The following ITPR1 variants were observed in gnomAD, a reference collection of about 807,000 sequenced individuals.
ITPR1 encodes the protein inositol 1,4,5-trisphosphate-gated calcium channel ITPR1.
In ITPR1, 96 loss-of-function variants were observed where a neutral mutation model predicts 318.4. The ratio of observed to expected loss-of-function variants is 0.30; its 90% CI spans 0.26 to 0.36. The LOEUF (loss-of-function observed/expected upper bound fraction) is 0.36, where lower values mean the gene tolerates loss of function less well. ITPR1 is among the 10% of genes least tolerant of loss of function. The probability of loss-of-function intolerance (pLI) is 1.00; values close to 1 mark genes in which losing one functional copy is unlikely to be tolerated. For synonymous variants in ITPR1, 1,312 were observed against 1,289.9 expected (o/e 1.02, Z -0.37); for missense variants, 2,440 against 3,460.2 (o/e 0.71, Z 7.40).
chr3:4,654,801 A>C lies in ITPR1; in HGVS notation c.996+915A>C, dbSNP rs141428469. 9.9e-5 allele frequency among the ~76,000 whole-genome samples: 15 copies of C among 152,268 alleles called. No homozygotes were observed. The East Asian group carries it at 2.7e-3, about 27-fold the overall frequency. On this transcript the variant is annotated intron_variant, in intron 12 of 61. Coordinates refer to ENST00000649015, the MANE Select transcript of ITPR1 (RefSeq NM_001378452.1). ...GTAATTGTCCTTGGAAAGTGTTGTGAATTCTGCTGTTATGGTTATCCTTCT... is the reference window on the plus strand; with the variant it reads ...GTAATTGTCCTTGGAAAGTGTTGTGCATTCTGCTGTTATGGTTATCCTTCT...
At chr3:4,552,416 G>T (rs2085659097) in intron 4 of ITPR1, among the ~76,000 whole-genome samples, 1 of 152,132 alleles carries the variant, frequency 6.6e-6, no homozygotes, top group Admixed American at 6.5e-5. Flanking sequence ...TGCTAGAGTG[G>T]CTCACACAAC....
chr3:4,683,446 G>A lies in ITPR1; in HGVS notation c.3222G>A (p.Leu1074=), dbSNP rs1247980510. The change falls in exon 27 of 62, where the codon CTG becomes CTA. Residue 1074 remains leucine, a synonymous_variant. Coordinates refer to ENST00000649015, the MANE Select transcript of ITPR1 (RefSeq NM_001378452.1). Reference sequence around the variant, plus strand: ...GCGGCAGAACCTTTCTCCGTGTCCTGCTCCACTTGACGATGCATGACTACC... The same window carrying A: ...GCGGCAGAACCTTTCTCCGTGTCCTACTCCACTTGACGATGCATGACTACC... ...DHGGRTFLRV[L]LHLTMHDYPP... 4.3e-6 allele frequency: 7 copies of A among 1,613,928 alleles called. No homozygotes were observed. The highest frequency in any genetic ancestry group is 5.9e-6 in the Non-Finnish European group (7 of 1,179,900).
At chr3:4,503,206 A>C (rs1000206502) in intron 2 of ITPR1, among the ~76,000 whole-genome samples, 1 of 152,186 alleles carries the variant, frequency 6.6e-6, no homozygotes, top group African/African-American at 2.4e-5. Context: ...TCTGCAGGAC[A>C]TTTGTCTTGG....
chr3:4,629,187 CTTTAT>C (rs548765828), intron 5 of ITPR1, among the ~76,000 whole-genome samples: 152 of 152,218 alleles, frequency 1.0e-3, no homozygotes, highest in African/African-American at 2.4e-3. Flanking sequence ...GCCGTATGAG[CTTTAT>C]TTTATTTTAT....
intron 52 of ITPR1, among the ~76,000 whole-genome samples, chr3:4,790,191 TAGGAGGAC>T (rs2047465274): frequency 6.6e-6 from 1 of 152,132 alleles, no homozygotes; most frequent in Admixed American, 6.5e-5. Flanking sequence ...CCTGGAATAG[TAGGAGGAC>T]CCTCAGGCCC....
At chr3:4,565,396 C>T (rs2087126280) in intron 4 of ITPR1, among the ~76,000 whole-genome samples, 5 of 152,162 alleles carry the variant, frequency 3.3e-5, no homozygotes, top group Admixed American at 3.3e-4. Flanking sequence ...CTAATTCTAC[C>T]ACCTGGTCCA....
chr3:4,806,208 T>A lies in ITPR1; in HGVS notation c.7213T>A (p.Leu2405Met). The change falls in exon 55 of 62, where the codon TTG becomes ATG. Residue 2405 changes from leucine to methionine, a missense_variant. By Grantham distance (15) the Leu-to-Met change is conservative. This residue lies in a region of ITPR1 where 126 missense variants were observed against 150.8 expected (regional missense o/e 0.84). Transcript: ENST00000649015. ...VLDVEFLYHL[L>M]YLVICAMGLF... ...GGATGTTGAGTTCCTCTATCATTTG[T>A]TGTATCTGGTGATCTGTGCCATGGG... 1 of 1,614,042 alleles carries A rather than the reference T, an allele frequency of 6.2e-7. No homozygotes were observed.
chr3:4,685,354 A>T (rs1323961877), intron 30 of ITPR1, 148 bp downstream of exon 30: 2 of 761,902 alleles, frequency 2.6e-6, no homozygotes, highest in Non-Finnish European at 4.0e-6. Flanking sequence ...TATTGATATG[A>T]AACAGAGCAT....
At chr3:4,632,929 CTTTTTTTTTTTTTTTTT>C (rs1156474451) in intron 5 of ITPR1, among the ~76,000 whole-genome samples, 5 of 66,022 alleles carry the variant, frequency 7.6e-5, no homozygotes, top group African/African-American at 2.8e-4. Flanking sequence ...ACTTTCAGGT[CTTTTTTTTTTTTTTTTT>C]TTTTTTTTTT....
chr3:4,753,489 G>A (rs964676076), intron 44 of ITPR1, among the ~76,000 whole-genome samples: 2 of 152,178 alleles, frequency 1.3e-5, no homozygotes, highest in Non-Finnish European at 2.9e-5. Flanking sequence ...GTGGCCGTGT[G>A]GAAGTTACCT....
chr3:4,596,378 C>T (rs895132248), intron 4 of ITPR1, among the ~76,000 whole-genome samples: 1 of 152,094 alleles, frequency 6.6e-6, no homozygotes, highest in Non-Finnish European at 1.5e-5. Flanking sequence ...CTGTATTTAT[C>T]ATCTTTGGTT....
In ITPR1 at chr3:4,685,250, G is replaced by A. The variant is rs183386810; in HGVS notation, c.3702+44G>A. The A allele has an allele frequency of 1.3e-3, 2,011 of 1,537,120 alleles. 4 individuals carry two copies. The highest frequency in any genetic ancestry group is 1.5e-3 in the Non-Finnish European group (1,768 of 1,144,180). On this transcript the variant is annotated intron_variant, in intron 30 of 61. Transcript: ENST00000649015. Reference sequence around the variant, plus strand: ...ACAGCAGCTGCTCTCAGGATGGGGCGGATCCCTGGGTTTCCCCAAACTCTT... The same window carrying A: ...ACAGCAGCTGCTCTCAGGATGGGGCAGATCCCTGGGTTTCCCCAAACTCTT...
chr3:4,526,997 A>T (rs2083034485), intron 4 of ITPR1, among the ~76,000 whole-genome samples: 1 of 152,226 alleles, frequency 6.6e-6, no homozygotes, highest in Non-Finnish European at 1.5e-5. Flanking sequence ...TACTGGGGAA[A>T]AGTAAATGAG....
chr3:4,816,786 C>G (rs79335065), intron 59 of ITPR1, among the ~76,000 whole-genome samples: 134 of 152,310 alleles, frequency 8.8e-4, no homozygotes, highest in African/African-American at 3.1e-3. Context: ...CTGTAAATAT[C>G]GTGCTATTCC....
At chr3:4,596,820 C>T (rs2090864624) in intron 4 of ITPR1, among the ~76,000 whole-genome samples, 1 of 152,170 alleles carries the variant, frequency 6.6e-6, no homozygotes, top group East Asian at 1.9e-4. Context: ...AGATGTCACT[C>T]CCTGGGGGAA....
At chr3:4,509,502 A>G (rs770496450) in intron 2 of ITPR1, among the ~76,000 whole-genome samples, 1 of 152,236 alleles carries the variant, frequency 6.6e-6, no homozygotes, top group African/African-American at 2.4e-5. Context: ...GCAGTCATCT[A>G]AAAAACAAAC....
intron 35 of ITPR1, among the ~76,000 whole-genome samples, chr3:4,701,256 A>C (rs1413444219): frequency 6.6e-6 from 1 of 152,232 alleles, no homozygotes; most frequent in Non-Finnish European, 1.5e-5. Flanking sequence ...TCCCAAATCC[A>C]GCACTTACTG....
chr3:4,565,035 T>A lies in ITPR1; in HGVS notation c.163+43941T>A, dbSNP rs77383166. Among the ~76,000 whole-genome samples, 1,266 of 152,330 alleles carry A rather than the reference T, an allele frequency of 8.3e-3. 14 individuals carry two copies. Among genetic ancestry groups the A allele is most frequent in the African/African-American group, 0.029 (1,210 of 41,556 alleles). On this transcript the variant is annotated intron_variant, in intron 4 of 61. Transcript: ENST00000649015. ...ATTTTGAAGCTGTTTAACCCATTTTTTGCTCAGACACCTGGAAGCCACGGC... is the reference window on the plus strand; with the variant it reads ...ATTTTGAAGCTGTTTAACCCATTTTATGCTCAGACACCTGGAAGCCACGGC...
intron 2 of ITPR1, among the ~76,000 whole-genome samples, chr3:4,500,375 G>T (rs76663291): frequency 1.5e-4 from 23 of 151,818 alleles, no homozygotes; most frequent in Non-Finnish European, 2.9e-4. Context: ...AATCTTTTTT[G>T]TTTTTTTGTA....
Sources: allele counts gnomAD v4.1 joint callset (sites outside exome capture counted in the v4.1 genomes callset), GRCh38; gene constraint gnomAD v4.1.1; regional missense constraint gnomAD v4.1.1; transcripts MANE v1.5; gene names NCBI Gene and HGNC (gene_info 2026-07-23, HGNC 2026-07-21).